Variants in SLC35D4 observed in about 807,000 individuals in gnomAD.
SLC35D4 encodes the protein solute carrier family 35 member D4, also known as UDP-N-acetylglucosamine transporter SLC35D4.
At chr18:23,377,781 G>C in the SLC35D4 span, 3 of 940,474 alleles carry the variant, frequency 3.2e-6, no homozygotes, top group East Asian at 9.4e-5. Context: ...GATTTATCAA[G>C]AGCTTAACAG....
the SLC35D4 span, among the ~76,000 whole-genome samples, chr18:23,335,781 A>G: frequency 6.6e-6 from 1 of 152,220 alleles, no homozygotes; most frequent in Non-Finnish European, 1.5e-5. Flanking sequence ...CCCCTAGAGG[A>G]GGCCGTGCAA....
chr18:23,268,692 C>T, the SLC35D4 span, among the ~76,000 whole-genome samples: 3 of 152,162 alleles, frequency 2.0e-5, no homozygotes, highest in Admixed American at 1.3e-4. Context: ...TGGGACTAGA[C>T]GTTCTAGGGA....
the SLC35D4 span, chr18:23,437,787 C>A: frequency 6.2e-7 from 1 of 1,611,280 alleles, no homozygotes; most frequent in African/African-American, 1.3e-5. Context: ...TCACCTTGTT[C>A]GTGAGGTAAG....
the SLC35D4 span, among the ~76,000 whole-genome samples, chr18:23,372,318 G>A: frequency 6.6e-6 from 1 of 152,170 alleles, no homozygotes; most frequent in African/African-American, 2.4e-5. Flanking sequence ...CATTAGAACA[G>A]GGGTAAACAC....
At chr18:23,390,191 T>C in the SLC35D4 span, among the ~76,000 whole-genome samples, 1 of 152,228 alleles carries the variant, frequency 6.6e-6, no homozygotes, top group Admixed American at 6.5e-5. Flanking sequence ...TCTGGTTCTC[T>C]TTTTTACCTG....
At chr18:23,269,537 A>T in the SLC35D4 span, among the ~76,000 whole-genome samples, 1 of 152,218 alleles carries the variant, frequency 6.6e-6, no homozygotes, top group Non-Finnish European at 1.5e-5. Context: ...GGGTACTGCT[A>T]TTAAGATACC....
chr18:23,246,423 G>A, the SLC35D4 span, among the ~76,000 whole-genome samples: 2 of 151,608 alleles, frequency 1.3e-5, no homozygotes, highest in African/African-American at 2.4e-5. Context: ...ACGGAGTCTT[G>A]CTCTGTCGCC....
the SLC35D4 span, among the ~76,000 whole-genome samples, chr18:23,340,083 T>C: frequency 6.6e-6 from 1 of 152,188 alleles, no homozygotes; most frequent in Non-Finnish European, 1.5e-5. Context: ...CCTCCGTGCA[T>C]GCCTCTCTCC....
At chr18:23,243,455 G>A in the SLC35D4 span, among the ~76,000 whole-genome samples, 1 of 149,850 alleles carries the variant, frequency 6.7e-6, no homozygotes, top group African/African-American at 2.5e-5. Flanking sequence ...GTTGTTTTGG[G>A]TGTGGGTTTG....
chr18:23,356,915 T>C, the SLC35D4 span, among the ~76,000 whole-genome samples: 1 of 152,248 alleles, frequency 6.6e-6, no homozygotes, highest in Non-Finnish European at 1.5e-5. This position sits in a 1 kb window ranked among gnomAD's most constrained non-coding sequence, Gnocchi z 4.1. Context: ...AAAATCTTTA[T>C]GTATTTATCT....
the SLC35D4 span, among the ~76,000 whole-genome samples, chr18:23,295,204 G>A: frequency 3.8e-3 from 571 of 151,162 alleles, 3 homozygotes; most frequent in Non-Finnish European, 5.4e-3. Context: ...AACATACACC[G>A]GGCCTGTCGG....
chr18:23,248,306 T>C, the SLC35D4 span, among the ~76,000 whole-genome samples: 1 of 151,908 alleles, frequency 6.6e-6, no homozygotes. Context: ...GTTTCAGTAG[T>C]GGTAAATGCA....
the SLC35D4 span, among the ~76,000 whole-genome samples, chr18:23,428,496 T>C: frequency 5.9e-5 from 9 of 152,214 alleles, no homozygotes; most frequent in Admixed American, 1.3e-4. Context: ...CTAAAGAAGT[T>C]CATGCACTTT....
chr18:23,421,282 C>A, the SLC35D4 span: 1 of 1,097,274 alleles, frequency 9.1e-7, no homozygotes, highest in South Asian at 1.4e-5. Context: ...CTCTGTGCTT[C>A]CAGTGTAACA....
chr18:23,396,955 C>G, the SLC35D4 span, among the ~76,000 whole-genome samples: 1 of 152,058 alleles, frequency 6.6e-6, no homozygotes, highest in Admixed American at 6.6e-5. Flanking sequence ...AAGACCAGGA[C>G]AGCTGCAGAT....
the SLC35D4 span, among the ~76,000 whole-genome samples, chr18:23,320,275 G>A: frequency 2.0e-5 from 3 of 151,960 alleles, no homozygotes; most frequent in African/African-American, 7.3e-5. Flanking sequence ...GCTACATCGT[G>A]CCCAGTGGGC....
chr18:23,431,153 C>CAAAAAAAAAAAAAAAA, the SLC35D4 span, among the ~76,000 whole-genome samples: 9 of 66,240 alleles, frequency 1.4e-4, no homozygotes, highest in East Asian at 4.8e-4. Flanking sequence ...GAGTATATCT[C>CAAAAAAAAAAAAAAAA]AAAAAAAAAA....
the SLC35D4 span, among the ~76,000 whole-genome samples, chr18:23,272,702 A>G: frequency 6.6e-6 from 1 of 152,194 alleles, no homozygotes; most frequent in Non-Finnish European, 1.5e-5. Flanking sequence ...CTGACTGCCT[A>G]CACGAACCTG....
chr18:23,248,537 T>A, the SLC35D4 span, among the ~76,000 whole-genome samples: 14 of 96,660 alleles, frequency 1.4e-4, no homozygotes, highest in Middle Eastern at 4.5e-3. Context: ...TTTTTTTTTT[T>A]TAAAAAAAGG....
Sources: allele counts gnomAD v4.1 joint callset (sites outside exome capture counted in the v4.1 genomes callset), GRCh38; gene constraint gnomAD v4.1.1; non-coding constraint Gnocchi (gnomAD v3.1); transcripts MANE v1.5; gene names NCBI Gene and HGNC (gene_info 2026-07-23, HGNC 2026-07-21).